Variants in PDE3A observed in about 807,000 individuals in gnomAD.
PDE3A encodes the protein phosphodiesterase 3A.
PDE3A carries 43 observed loss-of-function variants against 98.3 expected under a neutral mutation model. That is an observed-to-expected ratio of 0.44 (90% CI 0.34 to 0.56). The LOEUF (loss-of-function observed/expected upper bound fraction) is 0.56. Among genes scored for constraint, PDE3A ranks in the 20% least tolerant of loss-of-function variants. The pLI, the probability that PDE3A is intolerant of heterozygous loss-of-function variation, is 0.01. For synonymous variants in PDE3A, 663 were observed against 567.9 expected, an observed-to-expected ratio of 1.17 and a Z score of -2.38; for missense variants, 1,427 against 1,440.7, an observed-to-expected ratio of 0.99 and a Z score of 0.15.
In PDE3A at chr12:20,523,681, A is replaced by G. The variant is rs534747185; in HGVS notation, c.961-32979A>G. 1.1e-4 allele frequency among the ~76,000 whole-genome samples: 16 copies of G among 152,354 alleles called. No individual in the cohort carries two copies. The South Asian group carries it at 3.3e-3, about 32-fold the overall frequency. ...CCCTGAGCTGTTGACCAAAGCAACA[A>G]TGAAATTTATAATTTCTTAACGGGT... On this transcript the variant is annotated intron_variant, in intron 1 of 15. Coordinates refer to ENST00000359062, the MANE Select transcript of PDE3A (RefSeq NM_000921.5).
At chr12:20,649,891 C>T (rs950596644) in intron 13 of PDE3A, among the ~76,000 whole-genome samples, 5 of 152,088 alleles carry the variant, frequency 3.3e-5, no homozygotes, top group Admixed American at 3.3e-4. Flanking sequence ...TGGACCATGA[C>T]ACTCCAGCCT....
intron 1 of PDE3A, among the ~76,000 whole-genome samples, chr12:20,556,166 G>A (rs1942363729): frequency 6.6e-6 from 1 of 152,072 alleles, no homozygotes; most frequent in Admixed American, 6.5e-5. Context: ...TACGTTTTGT[G>A]ACTATGTGGG....
intron 1 of PDE3A, among the ~76,000 whole-genome samples, chr12:20,428,233 C>A (rs991501971): frequency 2.0e-5 from 3 of 152,168 alleles, no homozygotes; most frequent in African/African-American, 4.8e-5. Context: ...CCCAAAACAT[C>A]AAAATCCTGA....
At chr12:20,668,181 C>A (rs373193550) in intron 15 of PDE3A, among the ~76,000 whole-genome samples, 8 of 152,312 alleles carry the variant, frequency 5.3e-5, no homozygotes, top group African/African-American at 1.7e-4. Flanking sequence ...TATCCCGCAC[C>A]TGGCTTGGAG....
At chr12:20,473,880 A>T (rs1034485464) in intron 1 of PDE3A, among the ~76,000 whole-genome samples, 51 of 152,248 alleles carry the variant, frequency 3.3e-4, no homozygotes, top group African/African-American at 1.2e-3. Flanking sequence ...GATCCATTCT[A>T]GTATTGATGG....
chr12:20,601,672 T>G (rs1174229720), intron 2 of PDE3A, among the ~76,000 whole-genome samples: 3 of 152,160 alleles, frequency 2.0e-5, no homozygotes, highest in South Asian at 2.1e-4. Flanking sequence ...ATTATGTAAT[T>G]GTAATTTCAC....
At chr12:20,533,443 A>C (rs1592027491) in intron 1 of PDE3A, among the ~76,000 whole-genome samples, 1 of 143,642 alleles carries the variant, frequency 7.0e-6, no homozygotes. Context: ...ACCCACCTTC[A>C]CTTGACCACA....
At chr12:20,673,064 G>A (rs1387597867) in intron 15 of PDE3A, among the ~76,000 whole-genome samples, 1 of 151,458 alleles carries the variant, frequency 6.6e-6, no homozygotes, top group Non-Finnish European at 1.5e-5. Context: ...CTTTTCAAAA[G>A]AAGACATTTA....
chr12:20,377,928 T>C (rs1004060007), intron 1 of PDE3A, among the ~76,000 whole-genome samples: 6 of 151,756 alleles, frequency 4.0e-5, no homozygotes, highest in African/African-American at 1.2e-4. Context: ...AGTCTATAAT[T>C]GGGTTATCTA....
At chr12:20,606,756 G>A (rs1225019160) in intron 2 of PDE3A, among the ~76,000 whole-genome samples, 2 of 151,040 alleles carry the variant, frequency 1.3e-5, no homozygotes, top group Non-Finnish European at 1.5e-5. Flanking sequence ...TACTTGGGAG[G>A]CTGAGACAGG....
rs569433823 is a variant in PDE3A at position 20,535,923 on chromosome 12, G to A, written c.961-20737G>A. 5.3e-5 allele frequency among the ~76,000 whole-genome samples: 8 copies of A among 152,218 alleles called. No individual in the cohort carries two copies. The South Asian group carries it at 1.7e-3, about 32-fold the overall frequency. On this transcript the variant is annotated intron_variant, in intron 1 of 15. Transcript: ENST00000359062. Reference sequence around the variant, plus strand: ...TCACAGAAAATAAAGGAAAATGAAAGCTACTAGGTGAACTATAGTTTAAAA... The same window carrying A: ...TCACAGAAAATAAAGGAAAATGAAAACTACTAGGTGAACTATAGTTTAAAA...
At chr12:20,613,831 G>T in intron 3 of PDE3A, 131 bp downstream of exon 3, 2 of 635,286 alleles carry the variant, frequency 3.1e-6, no homozygotes, top group East Asian at 5.4e-5. Context: ...GTTGATCGTG[G>T]TGACAGAAGT....
chr12:20,435,383 A>T (rs979446922), intron 1 of PDE3A, among the ~76,000 whole-genome samples: 5 of 148,996 alleles, frequency 3.4e-5, no homozygotes, highest in African/African-American at 7.7e-5. Context: ...TTCCAGATTT[A>T]AAAAAAAATC....
chr12:20,469,401 G>A lies in PDE3A; in HGVS notation c.961-87259G>A, dbSNP rs533631478. ...TCAACTCCTCCCTATGCTCGCAGTC[G>A]TAGTCCATCTAGTCATTCTCCACTC... On this transcript the variant is annotated intron_variant, in intron 1 of 15. Coordinates refer to ENST00000359062, the MANE Select transcript of PDE3A (RefSeq NM_000921.5). Among the ~76,000 whole-genome samples the A allele has an allele frequency of 7.9e-5, 12 of 152,162 alleles. No individual in the cohort carries two copies. In the South Asian group the frequency reaches 1.0e-3, roughly 13 times the overall value.
Position 20,541,075 on chromosome 12 carries a change from C to CTTTTTTT in PDE3A, c.961-15552_961-15546dup, listed in dbSNP as rs777927679. ...AATTGACAAGGACATTGGTAACTTTCTTTTTTTTTTTTTTTTTTTTTTTTT... is the reference window on the plus strand; with the variant it reads ...AATTGACAAGGACATTGGTAACTTTCTTTTTTTTTTTTTTTTTTTTTTTTTTTTTTTT... On this transcript the variant is annotated intron_variant, in intron 1 of 15. Transcript: ENST00000359062. Among the ~76,000 whole-genome samples the CTTTTTTT allele has an allele frequency of 1.4e-3, 74 of 52,986 alleles. 20 individuals carry two copies. Among genetic ancestry groups the CTTTTTTT allele is most frequent in the East Asian group, 3.1e-3 (4 of 1,294 alleles). 34.8% of individuals were successfully genotyped at this position (52,986 alleles called of 152,430 possible). A position where few individuals can be genotyped will look rare whatever the true frequency, so the allele number is the denominator to read the frequency against.
chr12:20,660,370 T>C (rs1206107300), intron 15 of PDE3A, among the ~76,000 whole-genome samples: 3 of 152,158 alleles, frequency 2.0e-5, no homozygotes, highest in Non-Finnish European at 4.4e-5. Flanking sequence ...AGTGGGGTGC[T>C]GATATAAAGA....
intron 1 of PDE3A, among the ~76,000 whole-genome samples, chr12:20,425,247 A>C (rs1159802445): frequency 1.3e-5 from 2 of 152,182 alleles, no homozygotes; most frequent in African/African-American, 2.4e-5. Context: ...TGACATACAT[A>C]AAGCCAGTGG....
At chr12:20,649,961 CCA>C (rs1944876820) in intron 13 of PDE3A, among the ~76,000 whole-genome samples, 2 of 151,672 alleles carry the variant, frequency 1.3e-5, no homozygotes, top group African/African-American at 2.4e-5. Flanking sequence ...ATTATATATG[CCA>C]ATTTAAAAAA....
intron 1 of PDE3A, among the ~76,000 whole-genome samples, chr12:20,372,735 T>C (rs1374979361): frequency 6.6e-6 from 1 of 152,194 alleles, no homozygotes; most frequent in East Asian, 1.9e-4. Flanking sequence ...CTGCTTTTTT[T>C]CTGAAGGAAT....
Sources: allele counts gnomAD v4.1 joint callset (sites outside exome capture counted in the v4.1 genomes callset), GRCh38; gene constraint gnomAD v4.1.1; transcripts MANE v1.5; gene names NCBI Gene and HGNC (gene_info 2026-07-23, HGNC 2026-07-21).